CDH13: variants seen among roughly 807,000 people sequenced by gnomAD.
CDH13 encodes cadherin-13.
A neutral mutation model predicts 63.8 loss-of-function variants in CDH13; 24 were observed. That is an observed-to-expected ratio of 0.38 (90% CI 0.27 to 0.53). The LOEUF (loss-of-function observed/expected upper bound fraction) is 0.53, where lower values mean the gene tolerates loss of function less well. CDH13 is among the 20% of genes least tolerant of loss of function. CDH13 has a pLI of 0.85. For missense variants in CDH13, 1,049 were observed against 903.1 expected (o/e 1.16, Z -2.07); for synonymous variants, 503 against 355.3 (o/e 1.42, Z -4.67).
chr16:82,986,880 G>T (rs774635568), intron 2 of CDH13, among the ~76,000 whole-genome samples: 1 of 152,200 alleles, frequency 6.6e-6, no homozygotes, highest in African/African-American at 2.4e-5. Context: ...TATGAGTTAG[G>T]TACTTTCAAG....
intron 8 of CDH13, among the ~76,000 whole-genome samples, chr16:83,605,331 T>G (rs1908224221): frequency 6.6e-6 from 1 of 152,202 alleles, no homozygotes; most frequent in Admixed American, 6.5e-5. Flanking sequence ...AAATTCATGA[T>G]TAAACTTTCT....
chr16:82,914,291 G>T (rs1007720364), intron 2 of CDH13, among the ~76,000 whole-genome samples: 1 of 152,178 alleles, frequency 6.6e-6, no homozygotes, highest in Non-Finnish European at 1.5e-5. Flanking sequence ...AGTCCTAACT[G>T]TGTGTCCTAT....
At chr16:83,188,524 C>G (rs1449928931) in intron 4 of CDH13, among the ~76,000 whole-genome samples, 7 of 152,134 alleles carry the variant, frequency 4.6e-5, no homozygotes, top group Non-Finnish European at 8.8e-5. Context: ...AGGGGGGAAA[C>G]TGAAGCTCAG....
intron 3 of CDH13, among the ~76,000 whole-genome samples, chr16:83,111,251 A>T (rs545861968): frequency 7.0e-6 from 1 of 141,954 alleles, no homozygotes; most frequent in East Asian, 2.2e-4. Flanking sequence ...GGAGTAGAGT[A>T]AAAAAAATCC....
At chr16:82,710,587 C>A (rs1194001617) in intron 1 of CDH13, among the ~76,000 whole-genome samples, 34 of 93,612 alleles carry the variant, frequency 3.6e-4, no homozygotes, top group East Asian at 1.7e-3. Context: ...AAATATATTT[C>A]TATATTTATA....
chr16:83,659,497 G>T (rs937618271), intron 8 of CDH13, among the ~76,000 whole-genome samples: 1 of 152,258 alleles, frequency 6.6e-6, no homozygotes, highest in Admixed American at 6.5e-5. Flanking sequence ...AGGGACCTCA[G>T]TGGTTACCTC....
intron 6 of CDH13, among the ~76,000 whole-genome samples, chr16:83,383,541 G>A (rs1401343979): frequency 1.3e-5 from 2 of 152,096 alleles, no homozygotes; most frequent in Non-Finnish European, 2.9e-5. Context: ...GCATTCTACT[G>A]CAAGGAAGAC....
intron 8 of CDH13, among the ~76,000 whole-genome samples, chr16:83,632,541 G>A (rs1910879145): frequency 6.6e-6 from 1 of 151,770 alleles, no homozygotes; most frequent in Non-Finnish European, 1.5e-5. Context: ...GAGGGTTAGA[G>A]AGCTAAGGTA....
chr16:83,348,339 A>C (rs1211462683), intron 6 of CDH13, among the ~76,000 whole-genome samples: 1 of 152,176 alleles, frequency 6.6e-6, no homozygotes, highest in African/African-American at 2.4e-5. Flanking sequence ...ACAGAAAATG[A>C]CTAGTTCTTC....
Position 83,424,964 on chromosome 16 carries a change from T to A in CDH13, c.782-61513T>A, listed in dbSNP as rs2071843591. Among the ~76,000 whole-genome samples, 3 of 152,206 alleles carry A rather than the reference T, an allele frequency of 2.0e-5. No individual in the cohort carries two copies. The South Asian group carries it at 6.2e-4, about 32-fold the overall frequency. ...GATGAACACTTGGTTGCATTTAACCTTTTGCTGCAACAAAAAGTCCCAAGG... is the reference window on the plus strand; with the variant it reads ...GATGAACACTTGGTTGCATTTAACCATTTGCTGCAACAAAAAGTCCCAAGG... On this transcript the variant is annotated intron_variant, in intron 6 of 13. Coordinates refer to ENST00000567109, the MANE Select transcript of CDH13 (RefSeq NM_001257.5).
chr16:83,634,925 A>T (rs906888670), intron 8 of CDH13, among the ~76,000 whole-genome samples: 11 of 152,212 alleles, frequency 7.2e-5, no homozygotes, highest in African/African-American at 2.4e-4. Flanking sequence ...GTGTGAACAT[A>T]CATTTCCATT....
At chr16:82,946,990 A>C (rs1175668079) in intron 2 of CDH13, among the ~76,000 whole-genome samples, 1 of 145,358 alleles carries the variant, frequency 6.9e-6, no homozygotes, top group Admixed American at 7.0e-5. Flanking sequence ...CAAAGTCTTT[A>C]TAAGTGCGCA....
At chr16:83,361,355 G>A (rs929084569) in intron 6 of CDH13, among the ~76,000 whole-genome samples, 1 of 152,152 alleles carries the variant, frequency 6.6e-6, no homozygotes, top group Non-Finnish European at 1.5e-5. Context: ...TGCATAATTT[G>A]TGAATATTTT....
intron 5 of CDH13, among the ~76,000 whole-genome samples, chr16:83,246,534 A>G (rs985110082): frequency 2.6e-5 from 4 of 151,966 alleles, no homozygotes; most frequent in African/African-American, 7.3e-5. Flanking sequence ...TGGTTCATTC[A>G]TCTCCATTTT....
At chr16:82,978,800 A>G (rs1909871033) in intron 2 of CDH13, among the ~76,000 whole-genome samples, 1 of 152,230 alleles carries the variant, frequency 6.6e-6, no homozygotes, top group Non-Finnish European at 1.5e-5. Flanking sequence ...CCCCACACAG[A>G]GTCCCCACTG....
At chr16:82,716,908 C>A (rs939704596) in intron 1 of CDH13, among the ~76,000 whole-genome samples, 1 of 151,908 alleles carries the variant, frequency 6.6e-6, no homozygotes, top group African/African-American at 2.4e-5. Context: ...AGGGCTCATT[C>A]CTTCTTCAAG....
At chr16:82,886,313 G>A (rs950407549) in intron 2 of CDH13, among the ~76,000 whole-genome samples, 1 of 152,194 alleles carries the variant, frequency 6.6e-6, no homozygotes, top group Non-Finnish European at 1.5e-5. Context: ...TTGCAAAGCT[G>A]AATCATATTG....
At chr16:83,425,222 C>A (rs1020849378) in intron 6 of CDH13, among the ~76,000 whole-genome samples, 1 of 152,182 alleles carries the variant, frequency 6.6e-6, no homozygotes. Flanking sequence ...GATGATTCTC[C>A]CTTTGGCCAT....
At chr16:82,947,046 G>GTA (rs1555546750) in intron 2 of CDH13, among the ~76,000 whole-genome samples, 10,713 of 149,664 alleles carry the variant, frequency 0.072, 446 homozygotes, top group South Asian at 0.097. Context: ...GTGTGTGTGT[G>GTA]TGATGTTGTA....
Sources: gnomAD v4.1 joint callset for allele counts (sites outside exome capture counted in the v4.1 genomes callset) on GRCh38, gnomAD v4.1.1 for gene constraint, MANE v1.5 for transcripts, NCBI Gene and HGNC (gene_info 2026-07-23, HGNC 2026-07-21) for gene names.